RBFOX1: variants seen among roughly 807,000 people sequenced by gnomAD.
The protein encoded by RBFOX1 is RNA binding protein fox-1 homolog 1.
Under a neutral mutation model 57.7 loss-of-function variants are expected in RBFOX1, and 8 were observed. The observed-to-expected ratio is 0.14, with a 90% CI of 0.08 to 0.25. The LOEUF is 0.25. Ranked by LOEUF, RBFOX1 falls within the 10% of genes least tolerant of loss-of-function variation. The pLI, the probability that RBFOX1 is intolerant of heterozygous loss-of-function variation, is 1.00. For synonymous variants in RBFOX1, 326 were observed against 222.4 expected (o/e 1.47, Z -4.15); for missense variants, 611 against 548.5 (o/e 1.11, Z -1.14).
chr16:6,855,087 G>C (rs1327916955), intron 3 of RBFOX1, among the ~76,000 whole-genome samples: 1 of 152,076 alleles, frequency 6.6e-6, no homozygotes, highest in East Asian at 1.9e-4. Flanking sequence ...GATCCCAACA[G>C]AAGAGAAGGA....
intron 1 of RBFOX1, among the ~76,000 whole-genome samples, chr16:6,174,637 T>C (rs1012550816): frequency 5.9e-5 from 9 of 151,896 alleles, no homozygotes; most frequent in Non-Finnish European, 1.3e-4. Context: ...AAAAGAAAAA[T>C]ATAAAAGTTA....
chr16:7,275,626 C>G lies in RBFOX1; in HGVS notation c.27+223528C>G, dbSNP rs148725749. On this transcript the variant is annotated intron_variant, in intron 4 of 15. Transcript: ENST00000550418. ...TTTAGATGGTAGGTTGGATTGAAAT[C>G]TGTGCAAATGATGAGCTTATCTGTT... Among the ~76,000 whole-genome samples the G allele has an allele frequency of 2.6e-3, 394 of 152,252 alleles. 1 individual carries two copies. Among genetic ancestry groups the G allele is most frequent in the Non-Finnish European group, 2.9e-3 (195 of 68,014 alleles).
intron 3 of RBFOX1, among the ~76,000 whole-genome samples, chr16:5,682,053 C>G (rs917680083): frequency 6.6e-6 from 1 of 152,142 alleles, no homozygotes; most frequent in African/African-American, 2.4e-5. Flanking sequence ...CCTCCTAGGT[C>G]TCTGGGGCTG....
At chr16:6,167,570 T>C (rs2096927167) in intron 1 of RBFOX1, among the ~76,000 whole-genome samples, 1 of 152,246 alleles carries the variant, frequency 6.6e-6, no homozygotes, top group South Asian at 2.1e-4. Context: ...ACACAGTCAG[T>C]ACTGCCTCTT....
Position 6,293,690 on chromosome 16 carries a change from C to G in RBFOX1, c.-126-23305C>G, listed in dbSNP as rs373972938. 2.8e-4 allele frequency among the ~76,000 whole-genome samples: 42 copies of G among 152,236 alleles called. 1 individual carries two copies. The South Asian group carries it at 8.7e-3, about 32-fold the overall frequency. ...ATAGGGAAGAGGGGCTAGTTCAGCC[C>G]TCGTCGCCTGGTATGGGCAGGAAGA... On this transcript the variant is annotated intron_variant, in intron 1 of 15. Coordinates refer to ENST00000550418, the MANE Select transcript of RBFOX1 (RefSeq NM_018723.4).
At chr16:6,807,103 G>T (rs2087030394) in intron 3 of RBFOX1, among the ~76,000 whole-genome samples, 1 of 151,552 alleles carries the variant, frequency 6.6e-6, no homozygotes, top group South Asian at 2.1e-4. Context: ...CAAAGTGCTG[G>T]GATTACAGGT....
At chr16:5,769,906 G>C (rs2053920728) in intron 3 of RBFOX1, among the ~76,000 whole-genome samples, 1 of 152,170 alleles carries the variant, frequency 6.6e-6, no homozygotes, top group African/African-American at 2.4e-5. Flanking sequence ...AATTCATGCA[G>C]GATGTTGGGG....
intron 11 of RBFOX1, among the ~76,000 whole-genome samples, chr16:7,635,433 C>T (rs1331365262): frequency 1.3e-5 from 2 of 152,114 alleles, no homozygotes; most frequent in African/African-American, 2.4e-5. Flanking sequence ...AATAAACATA[C>T]ACACCATTGT....
At chr16:6,056,806 A>T (rs1411421081) in intron 1 of RBFOX1, among the ~76,000 whole-genome samples, 1 of 151,818 alleles carries the variant, frequency 6.6e-6, no homozygotes, top group Non-Finnish European at 1.5e-5. Flanking sequence ...AATATTTGAG[A>T]CACTGGTTGA....
intron 2 of RBFOX1, among the ~76,000 whole-genome samples, chr16:6,326,343 T>C (rs1249654257): frequency 6.6e-6 from 1 of 152,110 alleles, no homozygotes; most frequent in African/African-American, 2.4e-5. Context: ...AAGATAAAAC[T>C]TTAAAGTAAA....
At chr16:7,043,835 C>T (rs533753352) in intron 3 of RBFOX1, among the ~76,000 whole-genome samples, 7 of 152,232 alleles carry the variant, frequency 4.6e-5, no homozygotes, top group Non-Finnish European at 8.8e-5. Context: ...ACTGCACTTC[C>T]ATAATCTCAC....
intron 3 of RBFOX1, among the ~76,000 whole-genome samples, chr16:5,724,884 C>A (rs866078849): frequency 6.6e-6 from 1 of 152,196 alleles, no homozygotes; most frequent in Non-Finnish European, 1.5e-5. Flanking sequence ...TGCCCATGAT[C>A]CTCAAAGATT....
intron 4 of RBFOX1, among the ~76,000 whole-genome samples, chr16:7,158,890 C>A (rs1258993905): frequency 6.6e-6 from 1 of 151,922 alleles, no homozygotes; most frequent in Non-Finnish European, 1.5e-5. Flanking sequence ...TGTCTTTGCA[C>A]ACGTGTGTGT....
intron 4 of RBFOX1, among the ~76,000 whole-genome samples, chr16:5,920,705 G>C (rs576060104): frequency 6.6e-6 from 1 of 152,330 alleles, no homozygotes; most frequent in South Asian, 2.1e-4. Context: ...TCGTCCTTGA[G>C]ATGCAGGGCC....
chr16:5,631,411 G>C (rs1208298770), intron 3 of RBFOX1, among the ~76,000 whole-genome samples: 1 of 152,100 alleles, frequency 6.6e-6, no homozygotes, highest in Non-Finnish European at 1.5e-5. Flanking sequence ...ACAAAAATTA[G>C]CCGGGTATGG....
rs117814028 is a variant in RBFOX1, at chr16:5,787,809, A to G, written c.319-79494A>G. Among the ~76,000 whole-genome samples, 647 of 152,340 alleles carry G rather than the reference A, an allele frequency of 4.2e-3. 2 individuals are homozygous for G. Among genetic ancestry groups the G allele is most frequent in the Non-Finnish European group, 6.1e-3 (418 of 68,038 alleles). On this transcript the variant is annotated intron_variant, in intron 3 of 19. Transcript: ENST00000641259. ...TTCCCAAGGTGTTCCTGTAAAGGGCACACGTTGACAAGAGGTAGCAAACAA... is the reference window on the plus strand; with the variant it reads ...TTCCCAAGGTGTTCCTGTAAAGGGCGCACGTTGACAAGAGGTAGCAAACAA...
chr16:6,110,798 G>A (rs1431490670), intron 1 of RBFOX1, among the ~76,000 whole-genome samples: 1 of 152,142 alleles, frequency 6.6e-6, no homozygotes, highest in African/African-American at 2.4e-5. Context: ...TGCAACCAGG[G>A]AGGCAGTGCT....
At chr16:5,582,736 A>G (rs570828752) in intron 2 of RBFOX1, among the ~76,000 whole-genome samples, 17 of 152,008 alleles carry the variant, frequency 1.1e-4, no homozygotes, top group Non-Finnish European at 2.2e-4. Flanking sequence ...AAAGCCCATC[A>G]TCTCAACCTC....
intron 4 of RBFOX1, among the ~76,000 whole-genome samples, chr16:7,411,610 C>G (rs114490645): frequency 6.6e-6 from 1 of 152,092 alleles, no homozygotes; most frequent in African/African-American, 2.4e-5. Flanking sequence ...TGATCAAAGA[C>G]GGGGAATGTC....
Sources: gnomAD v4.1 joint callset for allele counts (sites outside exome capture counted in the v4.1 genomes callset) on GRCh38, gnomAD v4.1.1 for gene constraint, MANE v1.5 for transcripts, NCBI Gene and HGNC (gene_info 2026-07-23, HGNC 2026-07-21) for gene names.